Variants in DLG2 observed in about 807,000 individuals in gnomAD.
The protein encoded by DLG2 is disks large homolog 2.
DLG2 carries 45 observed loss-of-function variants against 132.5 expected under a neutral mutation model. That is an observed-to-expected ratio of 0.34 (90% CI 0.27 to 0.44). DLG2 has a LOEUF of 0.44. DLG2 is among the 20% of genes least tolerant of loss of function. DLG2 has a pLI of 1.00. For synonymous variants in DLG2, 424 were observed against 419.6 expected, an observed-to-expected ratio of 1.01 and a Z score of -0.13; for missense variants, 1,045 against 1,196.9, an observed-to-expected ratio of 0.87 and a Z score of 1.87.
intron 3 of DLG2, among the ~76,000 whole-genome samples, chr11:85,421,507 C>T (rs1382333943): frequency 6.6e-6 from 1 of 151,476 alleles, no homozygotes. Context: ...TGTCCATTTG[C>T]CTGAAATGTC....
At chr11:83,940,231 T>C (rs1008726884) in intron 14 of DLG2, among the ~76,000 whole-genome samples, 1 of 152,230 alleles carries the variant, frequency 6.6e-6, no homozygotes, top group Admixed American at 6.5e-5. Flanking sequence ...CTGGTTTCTA[T>C]CAGGGTCTAA....
chr11:85,622,396 T>C (rs996751336), intron 2 of DLG2, among the ~76,000 whole-genome samples: 1 of 152,042 alleles, frequency 6.6e-6, no homozygotes, highest in African/African-American at 2.4e-5. Flanking sequence ...ATCTCTGAGA[T>C]ATACCTGTAC....
intron 21 of DLG2, among the ~76,000 whole-genome samples, chr11:83,499,486 C>A (rs1306330443): frequency 6.6e-6 from 1 of 152,038 alleles, no homozygotes; most frequent in African/African-American, 2.4e-5. Context: ...TTTTGACACA[C>A]TGCCAAATTG....
chr11:85,144,823 T>C (rs942329379), intron 5 of DLG2, among the ~76,000 whole-genome samples: 1 of 152,094 alleles, frequency 6.6e-6, no homozygotes, highest in Non-Finnish European at 1.5e-5. Context: ...TTAGTTCTTT[T>C]ACTATTCCTA....
chr11:84,800,033 C>T (rs1373216887), intron 6 of DLG2, among the ~76,000 whole-genome samples: 1 of 152,126 alleles, frequency 6.6e-6, no homozygotes, highest in East Asian at 1.9e-4. Context: ...CCAAGTAATA[C>T]CAAACCATCT....
chr11:84,585,637 T>C (rs1309335370), intron 6 of DLG2, among the ~76,000 whole-genome samples: 2 of 152,240 alleles, frequency 1.3e-5, no homozygotes, highest in East Asian at 1.9e-4. Context: ...TCCATGACCA[T>C]AGCAGGCCAT....
At chr11:83,764,807 G>A (rs2094071864) in intron 18 of DLG2, among the ~76,000 whole-genome samples, 1 of 152,102 alleles carries the variant, frequency 6.6e-6, no homozygotes, top group Admixed American at 6.5e-5. Flanking sequence ...TCACTCAGGA[G>A]GTGTTCTCTA....
intron 7 of DLG2, among the ~76,000 whole-genome samples, chr11:84,516,348 A>T (rs560790110): frequency 4.6e-5 from 7 of 151,820 alleles, no homozygotes; most frequent in Admixed American, 2.0e-4. Context: ...AGTATAATAA[A>T]AACACAGAAG....
At chr11:85,268,959 G>C (rs890909326) in intron 4 of DLG2, among the ~76,000 whole-genome samples, 4 of 152,166 alleles carry the variant, frequency 2.6e-5, no homozygotes, top group Non-Finnish European at 5.9e-5. Flanking sequence ...TCATGTGTGA[G>C]AGAATTTTCT....
In DLG2 at chr11:84,394,346, T is replaced by A. The variant is rs2098803659; in HGVS notation, c.519+140224A>T. Among the ~76,000 whole-genome samples, 4 of 151,992 alleles carry A rather than the reference T, an allele frequency of 2.6e-5. No individual in the cohort carries two copies. The South Asian group carries it at 8.3e-4, about 31-fold the overall frequency. ...GGTGCCAAAGTCTTTCAGTTTTTTT[T>A]TTTTTCCCTGAAAATATCTTTATTT... On this transcript the variant is annotated intron_variant, in intron 7 of 27. Transcript: ENST00000376104.
chr11:84,724,609 C>T (rs1489601889), intron 6 of DLG2, among the ~76,000 whole-genome samples: 1 of 152,160 alleles, frequency 6.6e-6, no homozygotes, highest in East Asian at 1.9e-4. Flanking sequence ...GGTCTAAGTA[C>T]TTTAACTACA....
intron 3 of DLG2, among the ~76,000 whole-genome samples, chr11:85,519,415 C>A (rs2074095979): frequency 6.6e-6 from 1 of 152,160 alleles, no homozygotes; most frequent in African/African-American, 2.4e-5. Context: ...TTGACTGCCA[C>A]CCTGGATTTC....
intron 4 of DLG2, among the ~76,000 whole-genome samples, chr11:85,168,968 G>A (rs2078652557): frequency 6.6e-6 from 1 of 152,084 alleles, no homozygotes; most frequent in South Asian, 2.1e-4. Context: ...AAAGAACACG[G>A]TCATCCCCTC....
At chr11:84,581,596 T>C (rs1370773498) in intron 6 of DLG2, among the ~76,000 whole-genome samples, 1 of 152,208 alleles carries the variant, frequency 6.6e-6, no homozygotes, top group Admixed American at 6.6e-5. Context: ...AAATCTATGC[T>C]GAATTTCAAG....
intron 18 of DLG2, among the ~76,000 whole-genome samples, chr11:83,735,499 T>C (rs535831865): frequency 1.3e-5 from 2 of 152,204 alleles, no homozygotes; most frequent in Non-Finnish European, 1.5e-5. Context: ...ATAAATTTAA[T>C]TTAGGTTTAC....
At chr11:84,442,530 G>T (rs2099020392) in intron 7 of DLG2, among the ~76,000 whole-genome samples, 1 of 152,006 alleles carries the variant, frequency 6.6e-6, no homozygotes, top group Non-Finnish European at 1.5e-5. Flanking sequence ...GCCTGTCAGT[G>T]GGTGCGGGAG....
chr11:83,796,004 AAAGACTC>A (rs2042732659), intron 17 of DLG2, among the ~76,000 whole-genome samples: 1 of 152,244 alleles, frequency 6.6e-6, no homozygotes, highest in Non-Finnish European at 1.5e-5. Flanking sequence ...TCTAGTTCTT[AAAGACTC>A]AATTCAAACT....
intron 16 of DLG2, among the ~76,000 whole-genome samples, chr11:83,859,003 C>T (rs1023496656): frequency 6.6e-6 from 1 of 152,214 alleles, no homozygotes; most frequent in Non-Finnish European, 1.5e-5. Context: ...CAGGCTGTCT[C>T]TTTGCCTGCT....
At chr11:84,925,269 G>T (rs2092934384) in intron 6 of DLG2, among the ~76,000 whole-genome samples, 2 of 152,160 alleles carry the variant, frequency 1.3e-5, no homozygotes, top group African/African-American at 4.8e-5. Context: ...CGCAAGCAAG[G>T]ATTAAATGAA....
Sources: gnomAD v4.1 joint callset for allele counts (sites outside exome capture counted in the v4.1 genomes callset) on GRCh38, gnomAD v4.1.1 for gene constraint, MANE v1.5 for transcripts, NCBI Gene and HGNC (gene_info 2026-07-23, HGNC 2026-07-21) for gene names.